The following POLH variants were observed in gnomAD, a reference collection of about 807,000 sequenced individuals.
POLH encodes DNA polymerase eta transcript.
Under a neutral mutation model 73.6 loss-of-function variants are expected in POLH, and 53 were observed. The ratio of observed to expected loss-of-function variants is 0.72; its 90% CI spans 0.58 to 0.91. The LOEUF is 0.91. Ranked by LOEUF, POLH falls within the 40% of genes least tolerant of loss-of-function variation. The probability of loss-of-function intolerance (pLI) is 0.00; values close to 1 mark genes in which losing one functional copy is unlikely to be tolerated. For missense variants in POLH, 768 were observed against 865.4 expected, an observed-to-expected ratio of 0.89 and a Z score of 1.41; for synonymous variants, 292 against 308.5, an observed-to-expected ratio of 0.95 and a Z score of 0.56.
intron 4 of POLH, among the ~76,000 whole-genome samples, chr6:43,593,023 C>A (rs1388033487): frequency 6.6e-6 from 1 of 152,078 alleles, no homozygotes; most frequent in Admixed American, 6.6e-5. Context: ...CCTGGCCTTA[C>A]AAAACAGTTT....
chr6:43,602,189 A>G (rs949539607), intron 6 of POLH, among the ~76,000 whole-genome samples: 1 of 152,238 alleles, frequency 6.6e-6, no homozygotes, highest in African/African-American at 2.4e-5. Flanking sequence ...CTCTAATAGC[A>G]TATCAAGGTG....
In POLH at chr6:43,614,198, A is replaced by T; in HGVS notation, c.1783A>T (p.Met595Leu). The T allele has an allele frequency of 6.2e-7, 1 of 1,613,414 alleles. No homozygotes were observed. The highest frequency in any genetic ancestry group is 8.5e-7 in the Non-Finnish European group (1 of 1,179,364). The change falls in exon 11 of 11, where the codon ATG becomes TTG. Residue 595 changes from methionine to leucine, a missense_variant. Physicochemically the swap from Met to Leu is conservative, Grantham distance 15. Transcript: ENST00000372236. ...EESSKATPAE[M>L]DLAHNSQSMH... ...ATCCTCTAAAGCAACTCCTGCAGAG[A>T]TGGATTTGGCCCACAACAGCCAAAG...
chr6:43,597,638 G>A (rs1181923809), intron 4 of POLH, 58 bp from the exon 5 acceptor site: 2 of 1,468,980 alleles, frequency 1.4e-6, no homozygotes, highest in Non-Finnish European at 1.9e-6. Flanking sequence ...ACATTAGATA[G>A]CACAATTAAA....
At chr6:43,605,439 CTTTCTTTTT>C in intron 9 of POLH, 120 bp downstream of exon 9, 1 of 354,408 alleles carries the variant, frequency 2.8e-6, no homozygotes, top group South Asian at 3.2e-5. Flanking sequence ...TATCCGTTTT[CTTTCTTTTT>C]TTTTTTTTTT....
intron 4 of POLH, among the ~76,000 whole-genome samples, chr6:43,589,838 T>G (rs1765239724): frequency 1.3e-5 from 2 of 152,066 alleles, no homozygotes; most frequent in South Asian, 4.2e-4. Flanking sequence ...TTAAATTTTT[T>G]GTAGAGACAG....
chr6:43,603,849 G>GT, intron 6 of POLH, 43 bp from the exon 7 acceptor site: 1 of 1,607,324 alleles, frequency 6.2e-7, no homozygotes, highest in Non-Finnish European at 8.5e-7. Context: ...TAATTAGATA[G>GT]TTATGATGTG....
intron 1 of POLH, among the ~76,000 whole-genome samples, chr6:43,580,043 A>C (rs1218729758): frequency 2.0e-5 from 3 of 147,644 alleles, no homozygotes; most frequent in Non-Finnish European, 3.0e-5. Context: ...TTTCCTAGGC[A>C]GAGGACCCTG....
intron 4 of POLH, among the ~76,000 whole-genome samples, chr6:43,594,368 A>C (rs1425241147): frequency 1.3e-5 from 2 of 152,184 alleles, no homozygotes; most frequent in Non-Finnish European, 2.9e-5. Context: ...TCAGGAAAAC[A>C]GATAATTAAA....
At chr6:43,581,620 G>C (rs960929885) in intron 1 of POLH, among the ~76,000 whole-genome samples, 2 of 146,142 alleles carry the variant, frequency 1.4e-5, no homozygotes, top group East Asian at 1.9e-4. Context: ...TCGCCGGCGC[G>C]GCGGCAAAGA....
At chr6:43,584,654 A>G (rs1460753154) in intron 3 of POLH, among the ~76,000 whole-genome samples, 1 of 152,126 alleles carries the variant, frequency 6.6e-6, no homozygotes, top group East Asian at 1.9e-4. Context: ...CAGATTCCAC[A>G]TGTTGAGGGC....
chr6:43,612,404 T>G (rs138664536), intron 10 of POLH, among the ~76,000 whole-genome samples: 2,461 of 150,880 alleles, frequency 0.016, 79 homozygotes, highest in African/African-American at 0.056. Context: ...TGGAGTGCAG[T>G]GACGCAATCT....
At position 43,604,801 on chromosome 6, in the gene POLH, A is replaced by G. The variant is rs976355087; in HGVS notation, c.1008+63A>G. ...AAGGGGTCAGTGGGTAGGTTTTGGTAGCTGTGGAAGGTTTAATAGGTTAGA... is the reference window on the plus strand; with the variant it reads ...AAGGGGTCAGTGGGTAGGTTTTGGTGGCTGTGGAAGGTTTAATAGGTTAGA... On this transcript the variant is annotated intron_variant, in intron 8 of 10. Transcript: ENST00000372236. 11 of 1,578,034 alleles carry G rather than the reference A, an allele frequency of 7.0e-6. No homozygotes were observed. The Admixed American group carries it at 1.3e-4, about 19-fold the overall frequency.
rs565487114 is a variant in POLH at position 43,583,120 on chromosome 6, G to A, written c.251G>A (p.Arg84His). The change falls in exon 3 of 11, where the codon CGT becomes CAT. Residue 84 changes from arginine to histidine, a missense_variant. Transcript: ENST00000372236. ...DLLLAQVRESRGKANLTKYRE... is the reference protein window; with the variant it reads ...DLLLAQVRESHGKANLTKYRE... ...CTACTGGCACAAGTTCGTGAGTCCC[G>A]TGGGAAAGCTAACCTCACCAAGTAA... The A allele has an allele frequency of 6.8e-6, 11 of 1,613,934 alleles. No homozygotes were observed. Among genetic ancestry groups the A allele is most frequent in the South Asian group, 4.4e-5 (4 of 91,074 alleles).
chr6:43,605,294 A>G lies in POLH; in HGVS notation c.1049A>G (p.Glu350Gly), dbSNP rs1357824703. Reference sequence around the variant, plus strand: ...TTGCAATTAGCCCAGGAACTAGAGGAGAGACTGACTAAAGACCGAAATGAT... The same window carrying G: ...TTGCAATTAGCCCAGGAACTAGAGGGGAGACTGACTAAAGACCGAAATGAT... ...WLLQLAQELE[E>G]RLTKDRNDND... The change falls in exon 9 of 11, where the codon GAG becomes GGG. Residue 350 changes from glutamate to glycine, a missense_variant. Coordinates refer to ENST00000372236, the MANE Select transcript of POLH (RefSeq NM_006502.3). 1 of 1,596,844 alleles carries G rather than the reference A, an allele frequency of 6.3e-7. No homozygotes were observed.
At chr6:43,581,968 T>C (rs923266280) in intron 1 of POLH, among the ~76,000 whole-genome samples, 3 of 151,964 alleles carry the variant, frequency 2.0e-5, no homozygotes, top group Admixed American at 1.3e-4. Flanking sequence ...TAATCTGAAA[T>C]TTGAAATCTT....
intron 4 of POLH, among the ~76,000 whole-genome samples, chr6:43,596,075 G>A (rs149586690): frequency 2.4e-4 from 36 of 152,228 alleles, no homozygotes; most frequent in African/African-American, 7.9e-4. Context: ...GAACTTTAAT[G>A]TGGTACTAGA....
At position 43,582,426 on chromosome 6, in the gene POLH, T is replaced by C; in HGVS notation, c.107T>C (p.Val36Ala). 2 of 1,614,008 alleles carry C rather than the reference T, an allele frequency of 1.2e-6. No homozygotes were observed. The highest frequency in any genetic ancestry group is 1.7e-6 in the Non-Finnish European group (2 of 1,179,908). ...NPHLRNKPCAVVQYKSWKGGG... is the reference protein window; with the variant it reads ...NPHLRNKPCAAVQYKSWKGGG... Reference sequence around the variant, plus strand: ...CATTTGAGGAATAAACCTTGTGCAGTTGTACAGTACAAATCATGGAAGGGT... The same window carrying C: ...CATTTGAGGAATAAACCTTGTGCAGCTGTACAGTACAAATCATGGAAGGGT... Residue 36 changes from valine (V) to alanine (A), a missense_variant, in exon 2 of 11, where the codon GTT (valine) becomes GCT (alanine). Val to Ala is a moderately conservative substitution (Grantham distance 64). Coordinates refer to ENST00000372236, the MANE Select transcript of POLH (RefSeq NM_006502.3).
intron 4 of POLH, among the ~76,000 whole-genome samples, chr6:43,589,190 G>A (rs890548419): frequency 1.3e-5 from 2 of 152,146 alleles, no homozygotes; most frequent in Non-Finnish European, 2.9e-5. Context: ...ATGTGTCCAT[G>A]TGGCTGTATT....
At chr6:43,592,650 C>T (rs542648422) in intron 4 of POLH, among the ~76,000 whole-genome samples, 2 of 152,188 alleles carry the variant, frequency 1.3e-5, no homozygotes, top group African/African-American at 4.8e-5. Flanking sequence ...CTCCTGACCT[C>T]GTGATCTGCC....
Sources: gnomAD v4.1 joint callset for allele counts (sites outside exome capture counted in the v4.1 genomes callset) on GRCh38, gnomAD v4.1.1 for gene constraint, MANE v1.5 for transcripts, NCBI Gene and HGNC (gene_info 2026-07-23, HGNC 2026-07-21) for gene names.